ARHGAP39: variants seen among roughly 807,000 people sequenced by gnomAD.
ARHGAP39 encodes the protein Rho GTPase activating protein 39, also known as rho GTPase-activating protein 39.
In ARHGAP39, 44 loss-of-function variants were observed where a neutral mutation model predicts 106.9. That is an observed-to-expected ratio of 0.41 (90% CI 0.32 to 0.53). The LOEUF is 0.53. Ranked by LOEUF, ARHGAP39 falls within the 20% of genes least tolerant of loss-of-function variation. The pLI is 0.21. For missense variants in ARHGAP39, 1,496 were observed against 1,577.3 expected, an observed-to-expected ratio of 0.95 and a Z score of 0.87; for synonymous variants, 768 against 693.2, an observed-to-expected ratio of 1.11 and a Z score of -1.69.
rs772886497 is a variant in ARHGAP39 at position 144,580,951 on chromosome 8, G to A, written c.407C>T (p.Thr136Ile). The A allele has an allele frequency of 6.2e-7, 1 of 1,604,984 alleles. No homozygotes were observed. Among genetic ancestry groups the A allele is most frequent in the Admixed American group, 1.7e-5 (1 of 59,618 alleles). ...RGSSVSREGS[T>I]SSSLEPEPDT... ...GGGCTCGGGCTCCAGGGAGGAGCTG[G>A]TGCTGCCCTCACGGCTGACGCTGCT... The change falls in exon 3 of 12, where the codon ACC becomes ATC. Residue 136 changes from threonine to isoleucine, a missense_variant. Transcript: ENST00000377307.
At chr8:144,562,761 G>GACTC (rs1411839655) in intron 3 of ARHGAP39, among the ~76,000 whole-genome samples, 1 of 134,694 alleles carries the variant, frequency 7.4e-6, no homozygotes, top group Non-Finnish European at 1.5e-5. Context: ...GTTTCCATTG[G>GACTC]ACTCCAGTGG....
chr8:144,643,557 T>G (rs1821364890), intron 1 of ARHGAP39, among the ~76,000 whole-genome samples: 1 of 152,168 alleles, frequency 6.6e-6, no homozygotes, highest in Non-Finnish European at 1.5e-5. Context: ...TCCCCACAGT[T>G]CCTTTGACGA....
chr8:144,542,025 G>A (rs188591753), intron 6 of ARHGAP39, among the ~76,000 whole-genome samples: 2 of 151,344 alleles, frequency 1.3e-5, no homozygotes, highest in Admixed American at 1.3e-4. Context: ...GTGAGTTCAA[G>A]GCAAAGGTGA....
At chr8:144,597,223 G>T (rs1239178655) in intron 2 of ARHGAP39, among the ~76,000 whole-genome samples, 1 of 152,210 alleles carries the variant, frequency 6.6e-6, no homozygotes, top group Non-Finnish European at 1.5e-5. Context: ...AGATGCGTTT[G>T]CTCTGTGAGG....
Position 144,647,223 on chromosome 8 carries a change from TC to T in ARHGAP39, c.-82+38462del, listed in dbSNP as rs1002429706. ...ACCTCATGATCCGCGTGCCTCAGCC[TC>T]CCAAACTGCTGGGATTACAGCCGTG... On this transcript the variant is annotated intron_variant, in intron 1 of 11. Transcript: ENST00000377307. This position sits in a 1 kb window ranked among gnomAD's most constrained non-coding sequence, Gnocchi z 4.8. Among the ~76,000 whole-genome samples the T allele has an allele frequency of 1.1e-4, 17 of 152,198 alleles. No individual in the cohort carries two copies. Among genetic ancestry groups the T allele is most frequent in the African/African-American group, 3.9e-4 (16 of 41,524 alleles).
At chr8:144,680,606 T>C (rs1439864594) in intron 1 of ARHGAP39, among the ~76,000 whole-genome samples, 1 of 152,132 alleles carries the variant, frequency 6.6e-6, no homozygotes, top group Non-Finnish European at 1.5e-5. Context: ...ATAAATTAGA[T>C]GTTCGATTTT....
At chr8:144,688,689 C>T (rs999144325), upstream of ARHGAP39, among the ~76,000 whole-genome samples, 1 of 152,158 alleles carries the variant, frequency 6.6e-6, no homozygotes, top group South Asian at 2.1e-4. Flanking sequence ...CACCACTGCC[C>T]TCCAGCCTGG....
At chr8:144,546,507 G>A (rs900713927) in intron 5 of ARHGAP39, among the ~76,000 whole-genome samples, 1 of 152,108 alleles carries the variant, frequency 6.6e-6, no homozygotes, top group Non-Finnish European at 1.5e-5. Flanking sequence ...CAGACGCTAG[G>A]CCTGCCCTCT....
intron 3 of ARHGAP39, among the ~76,000 whole-genome samples, chr8:144,577,068 CA>C (rs1818804293): frequency 6.6e-6 from 1 of 152,206 alleles, no homozygotes; most frequent in Admixed American, 6.5e-5. Context: ...ACCTCTACAA[CA>C]GTCTAAATTC....
intron 3 of ARHGAP39, among the ~76,000 whole-genome samples, chr8:144,559,973 T>C (rs905708980): frequency 2.0e-5 from 3 of 152,276 alleles, no homozygotes; most frequent in Non-Finnish European, 2.9e-5. Flanking sequence ...TTCCAGATCA[T>C]GGAGCACTTT....
In ARHGAP39 at chr8:144,580,982, G is replaced by C; in HGVS notation, c.376C>G (p.Arg126Gly). 1 of 1,597,786 alleles carries C rather than the reference G, an allele frequency of 6.3e-7. No homozygotes were observed. ...CCCTCACGGCTGACGCTGCTGCCGC[G>C]CCCGGGGCTGCTCTCCGCCGAGGCG... ...PRASAESSPG[R>G]GSSVSREGST... The change falls in exon 3 of 12, where the codon CGC becomes GGC. Residue 126 changes from arginine to glycine, a missense_variant. Around this residue, in one of 4 missense-constraint regions of ARHGAP39, gnomAD observed 905 missense variants for 816.4 expected, o/e 1.11. Coordinates refer to ENST00000377307, the MANE Select transcript of ARHGAP39 (RefSeq NM_025251.3).
intron 2 of ARHGAP39, among the ~76,000 whole-genome samples, chr8:144,583,582 A>G (rs1365112068): frequency 1.3e-5 from 2 of 152,042 alleles, no homozygotes; most frequent in Non-Finnish European, 2.9e-5. Flanking sequence ...ACTTTAACCC[A>G]CGACTTTGAG....
chr8:144,582,100 T>TAGCCC (rs1819013852), intron 2 of ARHGAP39, among the ~76,000 whole-genome samples: 9 of 152,000 alleles, frequency 5.9e-5, no homozygotes, highest in African/African-American at 1.9e-4. Context: ...GGGGTCTCGT[T>TAGCCC]TCCAGGGAAA....
At chr8:144,613,802 G>A (rs1347727793) in intron 1 of ARHGAP39, among the ~76,000 whole-genome samples, 1 of 152,158 alleles carries the variant, frequency 6.6e-6, no homozygotes, top group Non-Finnish European at 1.5e-5. Flanking sequence ...TAGGCTTATA[G>A]TTTCCATCAA....
chr8:144,632,703 T>C (rs1354987402), intron 1 of ARHGAP39, among the ~76,000 whole-genome samples: 1 of 152,214 alleles, frequency 6.6e-6, no homozygotes, highest in Non-Finnish European at 1.5e-5. Flanking sequence ...CATCAGGTGA[T>C]GGCCCCACAA....
intron 2 of ARHGAP39, among the ~76,000 whole-genome samples, chr8:144,602,187 C>CTG (rs1235822053): frequency 9.8e-5 from 8 of 81,848 alleles, no homozygotes; most frequent in South Asian, 4.1e-4. Flanking sequence ...GCTCGTGTAC[C>CTG]TGTGTGTGCA....
intron 6 of ARHGAP39, 30 bp from the exon 7 acceptor site, chr8:144,537,843 C>T: frequency 1.2e-6 from 2 of 1,602,058 alleles, no homozygotes; most frequent in East Asian, 2.2e-5. Flanking sequence ...ATCAGCACGA[C>T]AGAACAAAAC....
rs570697829 is a variant in ARHGAP39, at chr8:144,664,746, T to C, written c.-82+20940A>G. On this transcript the variant is annotated intron_variant, in intron 1 of 11. Coordinates refer to ENST00000377307, the MANE Select transcript of ARHGAP39 (RefSeq NM_025251.3). ...TCCTTATTTTTTCTTGCCACCACCA[T>C]GTAAGAAGTGCCTTTCACCACCCAC... Among the ~76,000 whole-genome samples the C allele has an allele frequency of 3.3e-5, 5 of 152,206 alleles. No individual in the cohort carries two copies. In the South Asian group the frequency reaches 8.3e-4, roughly 25 times the overall value.
At chr8:144,578,391 G>A (rs1308334354) in intron 3 of ARHGAP39, among the ~76,000 whole-genome samples, 1 of 152,110 alleles carries the variant, frequency 6.6e-6, no homozygotes, top group African/African-American at 2.4e-5. Context: ...ACCACTCCCA[G>A]CTAATTTTGG....
Sources: allele counts gnomAD v4.1 joint callset (sites outside exome capture counted in the v4.1 genomes callset), GRCh38; gene constraint gnomAD v4.1.1; regional missense constraint gnomAD v4.1.1; non-coding constraint Gnocchi (gnomAD v3.1); transcripts MANE v1.5; gene names NCBI Gene and HGNC (gene_info 2026-07-23, HGNC 2026-07-21).